AMPD3: variants seen among roughly 807,000 people sequenced by gnomAD.
AMPD3 encodes adenosine monophosphate deaminase 3, also known as AMP deaminase 3.
A neutral mutation model predicts 82.3 loss-of-function variants in AMPD3; 57 were observed. That is an observed-to-expected ratio of 0.69 (90% confidence interval 0.56 to 0.86). The LOEUF is 0.86. AMPD3 is among the 40% of genes least tolerant of loss of function. The probability of loss-of-function intolerance (pLI) is 0.00; values close to 1 mark genes in which losing one functional copy is unlikely to be tolerated. For synonymous variants in AMPD3, 381 were observed against 394.7 expected, an observed-to-expected ratio of 0.97 and a Z score of 0.41; for missense variants, 870 against 1,003.8, an observed-to-expected ratio of 0.87 and a Z score of 1.80.
rs546002175 is a variant in AMPD3, at chr11:10,468,732, A to G, written c.221+6992A>G. 4.6e-5 allele frequency among the ~76,000 whole-genome samples: 7 copies of G among 152,342 alleles called. No homozygotes were observed. In the South Asian group the frequency reaches 1.4e-3, roughly 32 times the overall value. On this transcript the variant is annotated intron_variant, in intron 2 of 14. Transcript: ENST00000396553. Reference sequence around the variant, plus strand: ...TCACACTTACTTTAAAATTGACCACATAATTGGAAGTAAAACACTCCTCAG... The same window carrying G: ...TCACACTTACTTTAAAATTGACCACGTAATTGGAAGTAAAACACTCCTCAG...
chr11:10,450,939 C>T (rs1053673216), upstream of AMPD3: 63 of 1,335,548 alleles, frequency 4.7e-5, no homozygotes, highest in Non-Finnish European at 5.7e-5. Flanking sequence ...CCCGGCTGGC[C>T]TCAGTGCCCA....
chr11:10,455,810 T>G, intron 1 of AMPD3: 2 of 696,624 alleles, frequency 2.9e-6, no homozygotes, highest in Non-Finnish European at 1.8e-6. Flanking sequence ...GGGGTGCCCT[T>G]GGGAGGGCTG....
chr11:10,497,103 A>C (rs1324878651), intron 10 of AMPD3, among the ~76,000 whole-genome samples, 165 bp downstream of exon 10: 1 of 152,064 alleles, frequency 6.6e-6, no homozygotes, highest in Non-Finnish European at 1.5e-5. Flanking sequence ...AGATTTCTAA[A>C]AAGTCCCCTT....
intron 5 of AMPD3, among the ~76,000 whole-genome samples, chr11:10,485,291 G>T (rs1849035396): frequency 6.6e-6 from 1 of 152,102 alleles, no homozygotes; most frequent in South Asian, 2.1e-4. Context: ...CTGTTGCCCA[G>T]GCTGGGGTGC....
At chr11:10,454,068 G>T (rs78901851), upstream of AMPD3, among the ~76,000 whole-genome samples, 24 of 152,306 alleles carry the variant, frequency 1.6e-4, no homozygotes, top group East Asian at 4.6e-3. Context: ...CTTTGAGCTT[G>T]GGATCAGTGC....
At chr11:10,476,946 A>G in intron 2 of AMPD3, 1 of 985,406 alleles carries the variant, frequency 1.0e-6, no homozygotes, top group Non-Finnish European at 1.2e-6. Flanking sequence ...GGCAAGGGGA[A>G]GGTAAATTCC....
rs369963984 is a variant in AMPD3, at chr11:10,500,195, G to T, written c.1667G>T (p.Ser556Ile). The change falls in exon 11 of 15, where the codon AGC (serine) becomes ATC (isoleucine). Residue 556 changes from serine (S) to isoleucine (I), a missense_variant. Transcript: ENST00000396553. Reference protein sequence around the residue: ...VWTSEQNPPYSYYLYYMYANI... With the variant: ...VWTSEQNPPYIYYLYYMYANI... ...ACCAGTGAGCAGAACCCACCCTACAGCTACTACCTGTACTACATGTATGCC... is the reference window on the plus strand; with the variant it reads ...ACCAGTGAGCAGAACCCACCCTACATCTACTACCTGTACTACATGTATGCC... 5 of 1,614,098 alleles carry T rather than the reference G, an allele frequency of 3.1e-6. No individual in the cohort carries two copies. The highest frequency in any genetic ancestry group is 1.1e-5 in the South Asian group (1 of 91,092).
At chr11:10,477,974 AAGG>A in intron 2 of AMPD3, 1 of 985,422 alleles carries the variant, frequency 1.0e-6, no homozygotes, top group Non-Finnish European at 1.2e-6. Flanking sequence ...TTTGTAAAAC[AAGG>A]AGATTGGATT....
At chr11:10,479,664 C>A (rs80210860) in intron 3 of AMPD3, among the ~76,000 whole-genome samples, 1 of 152,160 alleles carries the variant, frequency 6.6e-6, no homozygotes, top group Non-Finnish European at 1.5e-5. Context: ...TATGTACCTA[C>A]AATTATTTAT....
chr11:10,493,211 T>A, intron 6 of AMPD3, 138 bp from the exon 7 acceptor site: 1 of 952,596 alleles, frequency 1.0e-6, no homozygotes, highest in East Asian at 2.4e-5. Flanking sequence ...AAATGGGGGG[T>A]GGGATCCAGA....
chr11:10,501,449 C>T (rs372638125), intron 11 of AMPD3, 21 bp from the exon 12 acceptor site: 19 of 1,611,588 alleles, frequency 1.2e-5, no homozygotes, highest in African/African-American at 6.7e-5. Context: ...CTTCCTGATT[C>T]GGAAACCCCT....
At chr11:10,485,088 G>A (rs1336553362) in intron 5 of AMPD3, 49 bp downstream of exon 5, 8 of 1,553,248 alleles carry the variant, frequency 5.2e-6, no homozygotes, top group Non-Finnish European at 7.0e-6. Flanking sequence ...GTGCTGTTCT[G>A]TAGGAAGGAG....
intron 5 of AMPD3, chr11:10,486,594 T>A: frequency 1.0e-6 from 1 of 985,286 alleles, no homozygotes; most frequent in Non-Finnish European, 1.2e-6. Flanking sequence ...ATCCCTACAG[T>A]CCCAATCCAC....
chr11:10,467,974 T>C (rs897312656), intron 2 of AMPD3, among the ~76,000 whole-genome samples: 1 of 152,080 alleles, frequency 6.6e-6, no homozygotes, highest in Non-Finnish European at 1.5e-5. Context: ...TGCTGAGAGA[T>C]TTTGTCACCA....
At chr11:10,461,293 C>G in intron 1 of AMPD3, 1 of 1,523,836 alleles carries the variant, frequency 6.6e-7, no homozygotes. Context: ...GAATTTTGAA[C>G]ACTTGCTTTC....
At chr11:10,472,025 CA>C (rs1848606928) in intron 2 of AMPD3, among the ~76,000 whole-genome samples, 1 of 152,144 alleles carries the variant, frequency 6.6e-6, no homozygotes, top group African/African-American at 2.4e-5. Context: ...TCCACAATAG[CA>C]AAGACTTGGA....
rs918801166 is a variant in AMPD3, at chr11:10,502,153, G to C, written c.1842+563G>C. The C allele has an allele frequency of 1.9e-5, 19 of 985,234 alleles. 1 individual carries two copies. The South Asian group carries it at 7.5e-4, about 39-fold the overall frequency. 61.0% of individuals were successfully genotyped at this position (985,234 alleles called of 1,614,324 possible). On this transcript the variant is annotated intron_variant, in intron 12 of 14. Coordinates refer to ENST00000396553, the MANE Select transcript of AMPD3 (RefSeq NM_001025389.2). ...ATTTTGGATCACTTTCCATTGGCAC[G>C]ATGTTTGATCAAAATGCTCCCTTTC...
intron 9 of AMPD3, 32 bp from the exon 10 acceptor site, chr11:10,496,780 C>T (rs1302365388): frequency 7.4e-6 from 12 of 1,613,932 alleles, no homozygotes; most frequent in Non-Finnish European, 1.0e-5. Context: ...CTGTTGGATC[C>T]ACCTGACAAG....
intron 10 of AMPD3, among the ~76,000 whole-genome samples, chr11:10,499,053 A>G (rs1212814663): frequency 6.6e-6 from 1 of 152,018 alleles, no homozygotes; most frequent in Non-Finnish European, 1.5e-5. Context: ...GGGATTGGAG[A>G]GCAGAGCTGC....
Sources: gnomAD v4.1 joint callset for allele counts (sites outside exome capture counted in the v4.1 genomes callset) on GRCh38, gnomAD v4.1.1 for gene constraint, MANE v1.5 for transcripts, NCBI Gene and HGNC (gene_info 2026-07-23, HGNC 2026-07-21) for gene names.